The following ACSF3 variants were observed in gnomAD, a reference collection of about 807,000 sequenced individuals.
The protein encoded by ACSF3 is malonate--CoA ligase ACSF3, mitochondrial.
A neutral mutation model predicts 53.2 loss-of-function variants in ACSF3; 78 were observed. The observed-to-expected ratio is 1.47, with a 90% confidence interval of 1.22 to 1.77. The LOEUF is 1.77. Ranked by LOEUF, ACSF3 falls within the 40% of genes most tolerant of loss-of-function variation. ACSF3 has a pLI of 0.00. For synonymous variants in ACSF3, 414 were observed against 333.1 expected, an observed-to-expected ratio of 1.24 and a Z score of -2.65; for missense variants, 937 against 771.1, an observed-to-expected ratio of 1.22 and a Z score of -2.55.
chr16:89,121,020 C>G (rs1464098878), intron 7 of ACSF3, 107 bp downstream of exon 7: 2 of 985,996 alleles, frequency 2.0e-6, no homozygotes, highest in East Asian at 2.5e-5. Context: ...CCCCTCCACG[C>G]AGGGGACCAG....
At chr16:89,109,229 CAAA>C (rs773650798) in intron 4 of ACSF3, among the ~76,000 whole-genome samples, 2 of 68,564 alleles carry the variant, frequency 2.9e-5, no homozygotes, top group African/African-American at 1.0e-4. Context: ...AAGACTGTCT[CAAA>C]AAAAAAAAAA....
chr16:89,117,892 C>T (rs1412361782), intron 6 of ACSF3, among the ~76,000 whole-genome samples: 1 of 152,284 alleles, frequency 6.6e-6, no homozygotes, highest in South Asian at 2.1e-4. Flanking sequence ...CTTCAGCTAC[C>T]GACGGCAGGT....
At chr16:89,117,895 C>G (rs966669668) in intron 6 of ACSF3, among the ~76,000 whole-genome samples, 2 of 65,524 alleles carry the variant, frequency 3.1e-5, no homozygotes, top group South Asian at 7.7e-4. Context: ...CAGCTACCGA[C>G]GGCAGGTTCC....
intron 8 of ACSF3, 34 bp from the exon 9 acceptor site, chr16:89,145,233 G>T: frequency 6.2e-7 from 1 of 1,613,896 alleles, no homozygotes; most frequent in Non-Finnish European, 8.5e-7. Context: ...TGGTGTTTAA[G>T]GATGGCCAGT....
chr16:89,093,895 GACCCGGCCGGA>G lies in ACSF3; in HGVS notation c.-286_-276del, dbSNP rs1283844341. ...TCCGGCCCGACTCACGACCCCGCGG[GACCCGGCCGGA>G]ACCCGGCCCGACCCCGGCGCGCGCG... is the stretch of plus-strand genomic sequence containing the variant. On this transcript the variant is annotated 5_prime_UTR_variant, in exon 1 of 11. Coordinates refer to ENST00000614302, the MANE Select transcript of ACSF3 (RefSeq NM_001243279.3). 8 of 325,098 alleles carry G rather than the reference GACCCGGCCGGA, an allele frequency of 2.5e-5. No homozygotes were observed. The highest frequency in any genetic ancestry group is 6.4e-5 in the South Asian group (3 of 47,114). 20.1% of individuals were successfully genotyped at this position (325,098 alleles called of 1,614,324 possible). A position where few individuals can be genotyped will look rare whatever the true frequency, so the allele number is the denominator to read the frequency against.
At chr16:89,095,514 G>T (rs914099921) in intron 1 of ACSF3, among the ~76,000 whole-genome samples, 2 of 149,240 alleles carry the variant, frequency 1.3e-5, no homozygotes, top group African/African-American at 5.0e-5. Context: ...TGCCCCGCAG[G>T]CCGAGCACAG....
At chr16:89,120,455 G>A (rs888637130) in intron 6 of ACSF3, among the ~76,000 whole-genome samples, 2 of 152,252 alleles carry the variant, frequency 1.3e-5, no homozygotes, top group East Asian at 3.9e-4. Context: ...ACCAGAATCT[G>A]TGGGCAGCTG....
At chr16:89,153,945 G>T in intron 10 of ACSF3, 145 bp from the exon 11 acceptor site, 1 of 780,746 alleles carries the variant, frequency 1.3e-6, no homozygotes, top group Non-Finnish European at 2.1e-6. Context: ...CGGTGGCCCG[G>T]TGCACCTGCC....
In ACSF3 at chr16:89,112,385, C is replaced by T. The variant is rs150663508; in HGVS notation, c.977+139C>T. The T allele has an allele frequency of 2.6e-3, 2,759 of 1,073,826 alleles. 74 individuals carry two copies. In the South Asian group the frequency reaches 0.035, roughly 14 times the overall value. 66.5% of individuals were successfully genotyped at this position (1,073,826 alleles called of 1,614,324 possible). ...TTTCAATGTTCCCTCTCTCTCTACC[C>T]GTCTCCGTCTCTACCTCTCTAACTG... On this transcript the variant is annotated intron_variant, in intron 5 of 10. Transcript: ENST00000614302.
chr16:89,154,630 A>G lies in ACSF3; in HGVS notation c.*423A>G, dbSNP rs1205881778. On this transcript the variant is annotated 3_prime_UTR_variant, in exon 11 of 11. Coordinates refer to ENST00000614302, the MANE Select transcript of ACSF3 (RefSeq NM_001243279.3). ...GTCTGCACGTGCCTGTGCCTCACCC[A>G]GAGCCAGTGTCTCCCGGCCCACATA... is the stretch of plus-strand genomic sequence containing the variant. The G allele has an allele frequency of 2.4e-5, 11 of 454,744 alleles. No individual in the cohort carries two copies. The highest frequency in any genetic ancestry group is 4.7e-5 in the Admixed American group (2 of 42,582). The allele number at this position is 454,744 out of a possible 1,614,324, so 28.2% of individuals were successfully genotyped here. A position where few individuals can be genotyped will look rare whatever the true frequency, so the allele number is the denominator to read the frequency against.
chr16:89,114,602 C>A, intron 6 of ACSF3, 115 bp downstream of exon 6: 3 of 1,500,872 alleles, frequency 2.0e-6, no homozygotes, highest in Non-Finnish European at 9.1e-7. Flanking sequence ...GGATGCTCCC[C>A]CGTGGGACAG....
intron 8 of ACSF3, chr16:89,141,139 G>A (rs1285057929): frequency 2.3e-6 from 3 of 1,287,090 alleles, no homozygotes; most frequent in African/African-American, 1.5e-5. Flanking sequence ...CCTCCCGCGG[G>A]GTGTCCGACC....
chr16:89,151,383 C>T (rs1914060563), intron 10 of ACSF3: 1 of 366,458 alleles, frequency 2.7e-6, no homozygotes, highest in East Asian at 7.3e-5. Context: ...GGGAGGAACA[C>T]TTCCTAACTC....
intron 1 of ACSF3, among the ~76,000 whole-genome samples, chr16:89,096,045 C>G (rs908245980): frequency 3.3e-5 from 5 of 152,128 alleles, no homozygotes; most frequent in Non-Finnish European, 5.9e-5. Context: ...GCTAGAACAC[C>G]GAGAGGTCCT....
At position 89,101,189 on chromosome 16, in the gene ACSF3, C is replaced by T. The variant is rs760264574; in HGVS notation, c.508C>T (p.Leu170Phe). 6.2e-7 allele frequency: 1 copy of T among 1,606,332 alleles called. No homozygotes were observed. ...GAAGCTGGGGGTCCCGCTGCTGCCG[C>T]TCACACCAGCCATCTACACTGGAGC... ...VRKLGVPLLP[L>F]TPAIYTGAVE... Residue 170 changes from leucine to phenylalanine, a missense_variant, in exon 3 of 11, where the codon CTC (leucine) becomes TTC (phenylalanine). Coordinates refer to ENST00000614302, the MANE Select transcript of ACSF3 (RefSeq NM_001243279.3).
Position 89,154,184 on chromosome 16 carries a change from A to G in ACSF3, c.1708A>G (p.Ile570Val). 1.2e-6 allele frequency: 2 copies of G among 1,613,648 alleles called. No homozygotes were observed. The highest frequency in any genetic ancestry group is 1.7e-6 in the Non-Finnish European group (2 of 1,179,886). ...GGGCAAGATTGACAAGAAGGCGCTC[A>G]TCAGGCACTTCCACCCCTCATGACC... Reference protein sequence around the residue: ...QMGKIDKKALIRHFHPS With the variant: ...QMGKIDKKALVRHFHPS The change falls in exon 11 of 11, where the codon ATC becomes GTC. Residue 570 changes from isoleucine to valine, a missense_variant. Coordinates refer to ENST00000614302, the MANE Select transcript of ACSF3 (RefSeq NM_001243279.3).
At chr16:89,137,674 C>CG (rs1324813356) in intron 8 of ACSF3, among the ~76,000 whole-genome samples, 6 of 151,034 alleles carry the variant, frequency 4.0e-5, no homozygotes, top group Admixed American at 2.0e-4. Flanking sequence ...CCCCAGGTCC[C>CG]AGGAGGACCA....
rs765643653 is a variant in ACSF3, at chr16:89,102,696, G to T, written c.759G>T (p.Ala253=). ...PLHHVHGVVN[A]LLCPLWVGAT... is the part of the protein sequence containing the mutation. ...ACCACGTCCATGGTGTGGTCAACGC[G>T]CTGCTCTGTCCTCTCTGGGTGGGAG... The change falls in exon 4 of 11, where the codon GCG becomes GCT. Residue 253 remains alanine, a synonymous_variant. Transcript: ENST00000614302. 9.9e-6 allele frequency: 16 copies of T among 1,613,644 alleles called. No homozygotes were observed. Among genetic ancestry groups the T allele is most frequent in the Non-Finnish European group, 1.4e-5 (16 of 1,180,038 alleles).
chr16:89,115,540 G>A (rs180892210), intron 6 of ACSF3, among the ~76,000 whole-genome samples: 47 of 152,350 alleles, frequency 3.1e-4, no homozygotes, highest in African/African-American at 8.4e-4. Context: ...GTGCGGCACC[G>A]CTTGTGACCC....
Sources: gnomAD v4.1 joint callset for allele counts (sites outside exome capture counted in the v4.1 genomes callset) on GRCh38, gnomAD v4.1.1 for gene constraint, MANE v1.5 for transcripts, NCBI Gene and HGNC (gene_info 2026-07-23, HGNC 2026-07-21) for gene names.